The following MAP2K1 variants were observed in gnomAD, a reference collection of about 807,000 sequenced individuals.
MAP2K1 encodes the protein mitogen-activated protein kinase kinase 1, also known as dual specificity mitogen-activated protein kinase kinase 1.
Under a neutral mutation model 46.3 loss-of-function variants are expected in MAP2K1, and 16 were observed. That is an observed-to-expected ratio of 0.35 (90% CI 0.23 to 0.52). MAP2K1 has a LOEUF of 0.52. MAP2K1 is among the 20% of genes least tolerant of loss of function. The pLI is 0.94. For synonymous variants in MAP2K1, 183 were observed against 185.6 expected, an observed-to-expected ratio of 0.99 and a Z score of 0.11; for missense variants, 263 against 497.1, an observed-to-expected ratio of 0.53 and a Z score of 4.48.
chr15:66,425,823 C>T (rs1047893118), intron 1 of MAP2K1, among the ~76,000 whole-genome samples: 1 of 152,152 alleles, frequency 6.6e-6, no homozygotes, highest in Admixed American at 6.5e-5. Context: ...AAGGGCACAC[C>T]TTGCAGGGGG....
At chr15:66,487,651 GTTTAA>G (rs988729319) in intron 8 of MAP2K1, among the ~76,000 whole-genome samples, 95 of 152,226 alleles carry the variant, frequency 6.2e-4, no homozygotes, top group African/African-American at 2.1e-3. Context: ...CTACTAGGGA[GTTTAA>G]TTTAACCTCT....
intron 1 of MAP2K1, among the ~76,000 whole-genome samples, chr15:66,406,776 A>G (rs893894029): frequency 1.3e-5 from 2 of 152,142 alleles, no homozygotes; most frequent in African/African-American, 4.8e-5. Context: ...CACACCTGTA[A>G]TCCCAGCACT....
At chr15:66,475,408 T>A (rs2140656667) in intron 5 of MAP2K1, among the ~76,000 whole-genome samples, 1 of 152,338 alleles carries the variant, frequency 6.6e-6, no homozygotes, top group South Asian at 2.1e-4. Context: ...TTGTCACAGA[T>A]GAGCAAGAAT....
chr15:66,489,642 A>G, intron 9 of MAP2K1, 76 bp from the exon 10 acceptor site: 3 of 1,095,334 alleles, frequency 2.7e-6, no homozygotes, highest in Non-Finnish European at 4.2e-6. Context: ...TGCAGAGAAG[A>G]CAGGCATGCA....
intron 1 of MAP2K1, among the ~76,000 whole-genome samples, chr15:66,391,582 T>C (rs1003024633): frequency 5.9e-5 from 9 of 152,188 alleles, no homozygotes; most frequent in African/African-American, 2.2e-4. Context: ...TGCACTGCCT[T>C]TTTTTGACTC....
chr15:66,387,377 G>C lies in MAP2K1; in HGVS notation c.30G>C (p.Gln10His), dbSNP rs1595831212. 6.4e-7 allele frequency: 1 copy of C among 1,566,504 alleles called. No homozygotes were observed. The highest frequency in any genetic ancestry group is 2.4e-5 in the East Asian group (1 of 42,468). The change falls in exon 1 of 11, where the codon CAG becomes CAC. Residue 10 changes from glutamine to histidine, a missense_variant. Gln to His is a conservative substitution (Grantham distance 24, BLOSUM62 0). Transcript: ENST00000307102. ...CCAAGAAGAAGCCGACGCCCATCCA[G>C]CTGAACCCGGCCCCCGACGGCTCTG... MPKKKPTPI[Q>H]LNPAPDGSAV...
chr15:66,390,144 T>C (rs2093353323), intron 1 of MAP2K1, among the ~76,000 whole-genome samples: 1 of 152,210 alleles, frequency 6.6e-6, no homozygotes, highest in Non-Finnish European at 1.5e-5. Context: ...TGGTTTTTTG[T>C]ACCATCTGCA....
intron 1 of MAP2K1, among the ~76,000 whole-genome samples, chr15:66,414,475 C>T (rs1027286679): frequency 6.0e-4 from 91 of 152,214 alleles, no homozygotes; most frequent in African/African-American, 2.1e-3. Context: ...TGGGAGGGTC[C>T]CAGATGTAAA....
intron 1 of MAP2K1, among the ~76,000 whole-genome samples, chr15:66,434,669 G>A (rs1386101528): frequency 1.3e-5 from 2 of 152,200 alleles, no homozygotes; most frequent in African/African-American, 4.8e-5. Context: ...AAAACCAACA[G>A]TAGTGGGGCT....
intron 8 of MAP2K1, 127 bp from the exon 9 acceptor site, chr15:66,489,088 C>A: frequency 1.3e-6 from 1 of 764,758 alleles, no homozygotes; most frequent in Non-Finnish European, 2.3e-6. Context: ...GAGAGTAGTA[C>A]TGCCTTTGGA....
In MAP2K1 at chr15:66,482,113, C is replaced by A. The variant is rs142760272; in HGVS notation, c.693+234C>A. 6.7e-3 allele frequency among the ~76,000 whole-genome samples: 1,026 copies of A among 152,262 alleles called. 13 individuals are homozygous for A. Among genetic ancestry groups the A allele is most frequent in the African/African-American group, 0.023 (952 of 41,534 alleles). On this transcript the variant is annotated intron_variant, in intron 6 of 10. Transcript: ENST00000307102. ...GGCCTTGACTCACTGAAAGGACTGT[C>A]CAGCTCCAGAGTGTGGCTTTCTTTC...
At chr15:66,388,528 C>T (rs2093348529) in intron 1 of MAP2K1, among the ~76,000 whole-genome samples, 1 of 152,164 alleles carries the variant, frequency 6.6e-6, no homozygotes, top group South Asian at 2.1e-4. Context: ...CCCTTCCTTT[C>T]TCTAGATTTT....
At chr15:66,432,883 G>C (rs2093478202) in intron 1 of MAP2K1, among the ~76,000 whole-genome samples, 1 of 151,710 alleles carries the variant, frequency 6.6e-6, no homozygotes. Context: ...GTAAAGCACT[G>C]AGGAGAGTTA....
At chr15:66,473,844 A>T (rs929823703) in intron 5 of MAP2K1, among the ~76,000 whole-genome samples, 1 of 151,700 alleles carries the variant, frequency 6.6e-6, no homozygotes, top group African/African-American at 2.4e-5. Context: ...TGCCTGGATA[A>T]TTTTTTTTGG....
intron 1 of MAP2K1, among the ~76,000 whole-genome samples, chr15:66,433,444 A>G (rs1028151451): frequency 3.9e-5 from 6 of 151,954 alleles, no homozygotes; most frequent in Admixed American, 3.3e-4. Flanking sequence ...CTGCCTTCCT[A>G]CTGTGTGCTT....
intron 5 of MAP2K1, among the ~76,000 whole-genome samples, chr15:66,460,657 A>G (rs985167320): frequency 9.2e-5 from 14 of 152,042 alleles, no homozygotes; most frequent in African/African-American, 3.4e-4. Context: ...CTGCACAGAG[A>G]AGTGAGATGT....
chr15:66,444,409 C>T (rs1011240254), intron 4 of MAP2K1, among the ~76,000 whole-genome samples: 2 of 145,646 alleles, frequency 1.4e-5, no homozygotes, highest in Non-Finnish European at 3.0e-5. Flanking sequence ...AGCGCATGCC[C>T]GTAATCCCAG....
intron 5 of MAP2K1, among the ~76,000 whole-genome samples, chr15:66,473,768 C>T (rs1892694370): frequency 6.6e-6 from 1 of 152,194 alleles, no homozygotes; most frequent in Non-Finnish European, 1.5e-5. Flanking sequence ...ACCTCTGCTT[C>T]CCGGGTTCAA....
intron 1 of MAP2K1, among the ~76,000 whole-genome samples, chr15:66,392,664 C>T (rs2093359522): frequency 6.6e-6 from 1 of 151,682 alleles, no homozygotes; most frequent in African/African-American, 2.4e-5. Flanking sequence ...AGCTATTCTC[C>T]TGCCTCAGCC....
Sources: gnomAD v4.1 joint callset for allele counts (sites outside exome capture counted in the v4.1 genomes callset) on GRCh38, gnomAD v4.1.1 for gene constraint, MANE v1.5 for transcripts, NCBI Gene and HGNC (gene_info 2026-07-23, HGNC 2026-07-21) for gene names.